MVB12A: variants seen among roughly 807,000 people sequenced by gnomAD.
The protein encoded by MVB12A is multivesicular body subunit 12A.
Under a neutral mutation model 34.3 loss-of-function variants are expected in MVB12A, and 30 were observed. That is an observed-to-expected ratio of 0.88 (90% CI 0.65 to 1.19). The LOEUF is 1.19. Ranked by LOEUF, MVB12A falls within the 50% of genes most tolerant of loss-of-function variation. The pLI, the probability that MVB12A is intolerant of heterozygous loss-of-function variation, is 0.00. For missense variants in MVB12A, 355 were observed against 369.2 expected, an observed-to-expected ratio of 0.96 and a Z score of 0.31; for synonymous variants, 158 against 158.9, an observed-to-expected ratio of 0.99 and a Z score of 0.04.
intron 2 of MVB12A, among the ~76,000 whole-genome samples, chr19:17,412,396 A>G (rs1338784448): frequency 6.6e-6 from 1 of 151,980 alleles, no homozygotes; most frequent in African/African-American, 2.4e-5. Flanking sequence ...CCTCCCAAGT[A>G]GGTGGGATCA....
chr19:17,419,789 A>G (rs1288107818), upstream of MVB12A: 5 of 175,086 alleles, frequency 2.9e-5, no homozygotes, highest in African/African-American at 9.5e-5. Flanking sequence ...GCCGGAAGGA[A>G]TTCTGGGGAA....
At chr19:17,406,416 A>G (rs945304672) in intron 2 of MVB12A, 7 of 152,180 alleles carry the variant, frequency 4.6e-5, no homozygotes, top group African/African-American at 1.7e-4. Context: ...CATTATCGGC[A>G]CCCAACTGCT....
intron 3 of MVB12A, 102 bp downstream of exon 3, chr19:17,420,736 T>G: frequency 6.4e-6 from 5 of 778,396 alleles, no homozygotes; most frequent in Non-Finnish European, 1.1e-5. Context: ...GGCTGCCCCC[T>G]GGCACACGGG....
chr19:17,422,260 C>T, intron 3 of MVB12A, 72 bp from the exon 4 acceptor site: 1 of 1,513,448 alleles, frequency 6.6e-7, no homozygotes, highest in Non-Finnish European at 9.0e-7. Context: ...CGAGCCTCAT[C>T]CTAGAGTCAT....
chr19:17,413,783 T>C (rs1464344153), intron 2 of MVB12A, among the ~76,000 whole-genome samples: 1 of 152,250 alleles, frequency 6.6e-6, no homozygotes, highest in African/African-American at 2.4e-5. Flanking sequence ...CTCATATTTT[T>C]ATTTTCTTTG....
chr19:17,407,868 C>T (rs111835120), intron 2 of MVB12A, among the ~76,000 whole-genome samples: 39,244 of 152,190 alleles, frequency 0.26, 6,293 homozygotes, highest in Non-Finnish European at 0.37. Context: ...TGACACTTTT[C>T]GCTACCGCTA....
At chr19:17,408,822 G>A (rs1599597965) in intron 2 of MVB12A, among the ~76,000 whole-genome samples, 1 of 128,530 alleles carries the variant, frequency 7.8e-6, no homozygotes, top group Non-Finnish European at 1.6e-5. Context: ...TGCGGTTTCT[G>A]CCATTACTTT....
rs1385350074 is a variant in MVB12A, at chr19:17,410,512, A to ATATATATATATT, written c.-5+4227_-5+4228insTTATATATATAT. On this transcript the variant is annotated intron_variant, in intron 2 of 6. Coordinates refer to the MVB12A transcript ENST00000528604. ...GTTTTAGCTTCATATATATATATAT[A>ATATATATATATT]TATATATATATATATATACACACAC... is the stretch of plus-strand genomic sequence containing the variant. Among the ~76,000 whole-genome samples the ATATATATATATT allele has an allele frequency of 1.7e-4, 20 of 114,406 alleles. 2 individuals are homozygous for ATATATATATATT. The East Asian group carries it at 3.6e-3, about 21-fold the overall frequency. The allele number at this position is 114,406 out of a possible 152,430, so 75.1% of individuals were successfully genotyped here. A position where few individuals can be genotyped will look rare whatever the true frequency, so the allele number is the denominator to read the frequency against.
rs546469882 is a variant in MVB12A at position 17,412,497 on chromosome 19, C to T, written c.-5+6201C>T. On this transcript the variant is annotated intron_variant, in intron 2 of 6. Coordinates refer to the MVB12A transcript ENST00000528604. ...GGCCAGGCTGGTCTCAAACTCCTGG[C>T]TTCAAGTGTTCCACCCGCCTCAGCC... Among the ~76,000 whole-genome samples, 235 of 152,118 alleles carry T rather than the reference C, an allele frequency of 1.5e-3. 1 individual carries two copies. The highest frequency in any genetic ancestry group is 5.2e-3 in the African/African-American group (214 of 41,482).
In MVB12A at chr19:17,425,052, ACC is replaced by A. The variant is rs200920197; in HGVS notation, c.*65_*66del. On this transcript the variant is annotated 3_prime_UTR_variant, in exon 9 of 9. Transcript: ENST00000317040. ...TCCACCTCCCCGCCAGCCTGGGGCC[ACC>A]CCCCCTCACTGCATCCTGGGGCCAC... The A allele has an allele frequency of 1.2e-6, 1 of 805,048 alleles. No homozygotes were observed. Among genetic ancestry groups the A allele is most frequent in the Non-Finnish European group, 2.0e-6 (1 of 501,942 alleles). 49.9% of individuals were successfully genotyped at this position (805,048 alleles called of 1,614,324 possible).
chr19:17,409,051 AC>A (rs1260189991), intron 2 of MVB12A, among the ~76,000 whole-genome samples: 1 of 149,352 alleles, frequency 6.7e-6, no homozygotes, highest in Non-Finnish European at 1.5e-5. Flanking sequence ...CTGGTCTCAA[AC>A]TTCTGACCTC....
At chr19:17,419,132 G>A (rs569515876), upstream of MVB12A, 17 of 152,262 alleles carry the variant, frequency 1.1e-4, no homozygotes, top group South Asian at 2.1e-4. Flanking sequence ...CCCAGGAATT[G>A]AGGCTCATGA....
At chr19:17,420,023 C>A (rs1568390620), upstream of MVB12A, 6 of 473,074 alleles carry the variant, frequency 1.3e-5, no homozygotes, top group Non-Finnish European at 1.9e-5. Context: ...CCGCCCCCCC[C>A]CCCCGCATGG....
At chr19:17,420,516 C>T (rs377614093) in intron 2 of MVB12A, 22 bp from the exon 3 acceptor site, 2 of 1,597,358 alleles carry the variant, frequency 1.3e-6, no homozygotes, top group African/African-American at 2.7e-5. Context: ...CCACCCTCGC[C>T]GTGTCCCCCT....
At chr19:17,411,808 A>T (rs1225661986) in intron 2 of MVB12A, among the ~76,000 whole-genome samples, 1 of 151,198 alleles carries the variant, frequency 6.6e-6, no homozygotes, top group East Asian at 1.9e-4. Flanking sequence ...GAAAAAAAAA[A>T]TAGGAGCAAA....
chr19:17,422,669 G>T (rs1471417863), intron 4 of MVB12A: 6 of 377,054 alleles, frequency 1.6e-5, no homozygotes, highest in Non-Finnish European at 2.3e-5. Flanking sequence ...GACATAACAG[G>T]ACTGGGCGCG....
At chr19:17,409,829 G>A (rs1446573256) in intron 2 of MVB12A, among the ~76,000 whole-genome samples, 1 of 151,770 alleles carries the variant, frequency 6.6e-6, no homozygotes, top group African/African-American at 2.4e-5. Flanking sequence ...TCGTCTCACT[G>A]CAACCTCTGA....
upstream of MVB12A, chr19:17,420,022 C>CCACA: frequency 2.2e-6 from 1 of 462,366 alleles, no homozygotes. Context: ...TCCGCCCCCC[C>CCACA]CCCCCGCATG....
At chr19:17,407,479 G>T (rs1165041493) in intron 2 of MVB12A, among the ~76,000 whole-genome samples, 1 of 152,152 alleles carries the variant, frequency 6.6e-6, no homozygotes, top group Non-Finnish European at 1.5e-5. Flanking sequence ...GATAGGTAAG[G>T]TCACGTGGGT....
Sources: allele counts gnomAD v4.1 joint callset (sites outside exome capture counted in the v4.1 genomes callset), GRCh38; gene constraint gnomAD v4.1.1; transcripts MANE v1.5; gene names NCBI Gene and HGNC (gene_info 2026-07-23, HGNC 2026-07-21).